The following BRD10 variants were observed in gnomAD, a reference collection of about 807,000 sequenced individuals.
BRD10 encodes the protein bromodomain containing 10.
chr9:5,944,993 C>A, the BRD10 span: 1 of 1,147,496 alleles, frequency 8.7e-7, no homozygotes. Flanking sequence ...AGCTTGATAA[C>A]ACATAATATA....
the BRD10 span, chr9:6,007,652 T>A: frequency 6.2e-7 from 1 of 1,605,162 alleles, no homozygotes; most frequent in Non-Finnish European, 8.5e-7. Context: ...GAGGAGGCAC[T>A]CCTTCCGTGG....
the BRD10 span, among the ~76,000 whole-genome samples, chr9:5,914,584 C>T: frequency 1.3e-5 from 2 of 151,738 alleles, no homozygotes; most frequent in African/African-American, 2.4e-5. Context: ...CCACCACGCT[C>T]GGCTAATTTT....
chr9:5,925,539 A>T, the BRD10 span, among the ~76,000 whole-genome samples: 1 of 152,124 alleles, frequency 6.6e-6, no homozygotes, highest in Non-Finnish European at 1.5e-5. Flanking sequence ...ACTGACTATA[A>T]CACATCTTAA....
At chr9:5,900,021 T>C in the BRD10 span, among the ~76,000 whole-genome samples, 3 of 152,236 alleles carry the variant, frequency 2.0e-5, no homozygotes, top group Non-Finnish European at 4.4e-5. Context: ...CATTATATAT[T>C]TGTATATCAA....
At chr9:5,949,522 T>A in the BRD10 span, among the ~76,000 whole-genome samples, 1 of 152,210 alleles carries the variant, frequency 6.6e-6, no homozygotes, top group East Asian at 1.9e-4. Context: ...GATCAGTGAG[T>A]TTTTTCTTAT....
At chr9:5,907,856 G>C in the BRD10 span, among the ~76,000 whole-genome samples, 2 of 152,216 alleles carry the variant, frequency 1.3e-5, no homozygotes, top group African/African-American at 4.8e-5. Context: ...GGGACGCTGA[G>C]GCAGGAGAAT....
chr9:5,943,614 T>C, the BRD10 span, among the ~76,000 whole-genome samples: 1 of 150,534 alleles, frequency 6.6e-6, no homozygotes, highest in Middle Eastern at 3.2e-3. Context: ...TTGAGGAATA[T>C]ATCACAGCAG....
At chr9:5,882,582 TA>T in the BRD10 span, among the ~76,000 whole-genome samples, 1 of 152,222 alleles carries the variant, frequency 6.6e-6, no homozygotes, top group African/African-American at 2.4e-5. Context: ...GACAACTGCC[TA>T]ATTACTGCCT....
the BRD10 span, among the ~76,000 whole-genome samples, chr9:5,891,507 C>T: frequency 3.3e-5 from 5 of 152,146 alleles, no homozygotes; most frequent in African/African-American, 1.2e-4. Flanking sequence ...TTCTGTCTCA[C>T]CTCTCCCTGT....
At chr9:5,892,148 G>A in the BRD10 span, among the ~76,000 whole-genome samples, 5 of 152,220 alleles carry the variant, frequency 3.3e-5, no homozygotes, top group Admixed American at 1.3e-4. Context: ...TCAAATTGAA[G>A]GCAAATGAGG....
chr9:5,988,601 C>A, the BRD10 span: 1 of 1,293,450 alleles, frequency 7.7e-7, no homozygotes, highest in Non-Finnish European at 1.1e-6. Flanking sequence ...AGCAATAAAC[C>A]CCCTTAGCCA....
At chr9:5,911,599 T>G in the BRD10 span, among the ~76,000 whole-genome samples, 224 of 151,160 alleles carry the variant, frequency 1.5e-3, no homozygotes, top group Non-Finnish European at 2.5e-3. Context: ...CAGTGGCACA[T>G]TCTCAGCTCA....
At chr9:5,885,940 A>C in the BRD10 span, among the ~76,000 whole-genome samples, 1 of 152,044 alleles carries the variant, frequency 6.6e-6, no homozygotes, top group African/African-American at 2.4e-5. Flanking sequence ...ACTTTCTGGG[A>C]TTTTCAGGCA....
the BRD10 span, among the ~76,000 whole-genome samples, chr9:5,883,864 G>C: frequency 6.6e-5 from 10 of 152,256 alleles, no homozygotes; most frequent in East Asian, 1.9e-3. Flanking sequence ...AGTAGCCAGA[G>C]TTCCTGTTGC....
the BRD10 span, among the ~76,000 whole-genome samples, chr9:5,941,052 C>T: frequency 6.6e-6 from 1 of 151,948 alleles, no homozygotes; most frequent in Non-Finnish European, 1.5e-5. Flanking sequence ...AAGACTGAAA[C>T]TTCTTTGAAA....
At chr9:5,968,474 T>G in the BRD10 span, 8 of 1,611,434 alleles carry the variant, frequency 5.0e-6, no homozygotes, top group East Asian at 1.8e-4. Context: ...TAAATTTTCT[T>G]TACAACAATC....
chr9:5,940,654 G>A, the BRD10 span, among the ~76,000 whole-genome samples: 2 of 152,182 alleles, frequency 1.3e-5, no homozygotes, highest in African/African-American at 4.8e-5. Flanking sequence ...ACTACGAGGG[G>A]TGGTCTGCTA....
At chr9:5,971,365 AG>A in the BRD10 span, among the ~76,000 whole-genome samples, 1 of 152,210 alleles carries the variant, frequency 6.6e-6, no homozygotes, top group African/African-American at 2.4e-5. Context: ...TTCTACTCCT[AG>A]GTATATGCCC....
the BRD10 span, among the ~76,000 whole-genome samples, chr9:5,900,585 G>A: frequency 8.1e-4 from 123 of 152,018 alleles, no homozygotes; most frequent in Non-Finnish European, 1.5e-3. Context: ...TATGAGCTTT[G>A]GGCATGTGAA....
Sources: gnomAD v4.1 joint callset for allele counts (sites outside exome capture counted in the v4.1 genomes callset) on GRCh38, gnomAD v4.1.1 for gene constraint, MANE v1.5 for transcripts, NCBI Gene and HGNC (gene_info 2026-07-23, HGNC 2026-07-21) for gene names.